The following PCDHGC5 variants were observed in gnomAD, a reference collection of about 807,000 sequenced individuals.
The protein encoded by PCDHGC5 is protocadherin gamma-C5.
In PCDHGC5, 25 loss-of-function variants were observed where a neutral mutation model predicts 59.0. That is an observed-to-expected ratio of 0.42 (90% confidence interval 0.31 to 0.59). PCDHGC5 has a LOEUF of 0.59. Ranked by LOEUF, PCDHGC5 falls within the 20% of genes least tolerant of loss-of-function variation. PCDHGC5 has a pLI of 0.13. For synonymous variants in PCDHGC5, 434 were observed against 505.5 expected (o/e 0.86, Z 1.90); for missense variants, 1,067 against 1,206.4 (o/e 0.88, Z 1.71).
At chr5:141,499,461 A>G (rs1448103747) in intron 2 of PCDHGC5, among the ~76,000 whole-genome samples, 2 of 152,226 alleles carry the variant, frequency 1.3e-5, no homozygotes. Flanking sequence ...TCATTTTACA[A>G]TCTAGGGAGA....
At position 141,491,065 on chromosome 5, in the gene PCDHGC5, C is replaced by T; in HGVS notation, c.1825C>T (p.Leu609=). Residue 609 remains leucine (L), a synonymous_variant, in exon 1 of 4, where the codon CTG becomes TTG. Transcript: ENST00000252087. This position sits in a 1 kb window ranked among gnomAD's most constrained non-coding sequence, Gnocchi z 6.9. ...CCACAATGCGTGGCTCTCCTACTCA[C>T]TGTTGCCACAGTCCACAGCCCCAGG... ...AGHNAWLSYS[L]LPQSTAPGLF... 4 of 1,614,210 alleles carry T rather than the reference C, an allele frequency of 2.5e-6. No individual in the cohort carries two copies. Among genetic ancestry groups the T allele is most frequent in the Admixed American group, 1.7e-5 (1 of 60,030 alleles).
chr5:141,489,804 G>A lies in PCDHGC5; in HGVS notation c.564G>A (p.Gly188=), dbSNP rs2099692572. 1 of 1,614,056 alleles carries A rather than the reference G, an allele frequency of 6.2e-7. No homozygotes were observed. The highest frequency in any genetic ancestry group is 1.3e-5 in the African/African-American group (1 of 74,932). ...FSLNVKTLKD[G]KPFPELVLEQ... ...TGAATGTGAAGACCCTAAAAGATGG[G>A]AAGCCATTCCCAGAGCTGGTGCTAG... The change falls in exon 1 of 4, where the codon GGG becomes GGA. Residue 188 remains glycine, a synonymous_variant. Transcript: ENST00000252087. The surrounding 1 kb of genome is among the most constrained non-coding windows in gnomAD (Gnocchi z 4.5).
intron 2 of PCDHGC5, among the ~76,000 whole-genome samples, chr5:141,499,780 G>A (rs776654854): frequency 1.4e-5 from 2 of 145,766 alleles, no homozygotes; most frequent in Non-Finnish European, 3.0e-5. Flanking sequence ...TTCGCCTCCC[G>A]GGTTCAAGCA....
chr5:141,500,433 T>A (rs1398344932), intron 2 of PCDHGC5, among the ~76,000 whole-genome samples: 17 of 151,882 alleles, frequency 1.1e-4, no homozygotes, highest in East Asian at 7.8e-4. Flanking sequence ...ATGGTCTCGA[T>A]CTCCTGACCT....
intron 2 of PCDHGC5, among the ~76,000 whole-genome samples, chr5:141,498,260 A>C (rs1044675509): frequency 6.6e-6 from 1 of 152,140 alleles, no homozygotes; most frequent in Non-Finnish European, 1.5e-5. Flanking sequence ...GCTGGTGTTG[A>C]GTTCTTCAGT....
At position 141,490,597 on chromosome 5, in the gene PCDHGC5, C is replaced by G. The variant is rs781077720; in HGVS notation, c.1357C>G (p.Arg453Gly). 1 of 1,614,182 alleles carries G rather than the reference C, an allele frequency of 6.2e-7. No homozygotes were observed. Residue 453 changes from arginine (R) to glycine (G), a missense_variant, in exon 1 of 4, where the codon CGC (arginine) becomes GGC (glycine). Physicochemically the swap from Arg to Gly is moderately radical, Grantham distance 125. Transcript: ENST00000252087. This position sits in a 1 kb window ranked among gnomAD's most constrained non-coding sequence, Gnocchi z 5.4. ...NISDVNDNAP[R>G]FNQQLYTAYI... ...TTCAGATGTCAATGACAATGCACCC[C>G]GCTTCAACCAGCAGCTTTACACTGC...
intron 2 of PCDHGC5, among the ~76,000 whole-genome samples, chr5:141,503,334 C>T (rs2099819255): frequency 6.6e-6 from 1 of 152,072 alleles, no homozygotes; most frequent in Admixed American, 6.6e-5. Context: ...CGGTGGCTCA[C>T]GCCTGTAATT....
chr5:141,506,740 T>C (rs1006665092), intron 3 of PCDHGC5, among the ~76,000 whole-genome samples: 2 of 152,104 alleles, frequency 1.3e-5, no homozygotes, highest in African/African-American at 2.4e-5. Context: ...ATAATGCCTA[T>C]TAATAAAGAC....
intron 2 of PCDHGC5, among the ~76,000 whole-genome samples, chr5:141,496,347 T>C (rs1168306693): frequency 6.6e-6 from 1 of 152,198 alleles, no homozygotes; most frequent in Non-Finnish European, 1.5e-5. Context: ...TGGAGGAGTC[T>C]CAGAGCCCAG....
intron 3 of PCDHGC5, among the ~76,000 whole-genome samples, chr5:141,506,189 G>A (rs529165145): frequency 3.6e-4 from 55 of 152,262 alleles, no homozygotes; most frequent in African/African-American, 1.1e-3. Flanking sequence ...GGTGGCTCAC[G>A]CCTGTAATCC....
chr5:141,497,736 G>A (rs1437670417), intron 2 of PCDHGC5, among the ~76,000 whole-genome samples: 6 of 151,962 alleles, frequency 3.9e-5, no homozygotes, highest in Admixed American at 1.3e-4. Flanking sequence ...GATGGGTTTC[G>A]CCACGTTGGC....
At chr5:141,494,759 C>G (rs776923097) in intron 1 of PCDHGC5, 48 bp from the exon 2 acceptor site, 2 of 1,613,886 alleles carry the variant, frequency 1.2e-6, no homozygotes, top group Middle Eastern at 1.6e-4. Flanking sequence ...GGGTGACATT[C>G]TAACTTCTCA....
At chr5:141,506,188 C>A (rs925159785) in intron 3 of PCDHGC5, among the ~76,000 whole-genome samples, 1 of 152,058 alleles carries the variant, frequency 6.6e-6, no homozygotes, top group Non-Finnish European at 1.5e-5. Flanking sequence ...TGGTGGCTCA[C>A]GCCTGTAATC....
rs754225999 is a variant in PCDHGC5, at chr5:141,489,509, T to C, written c.269T>C (p.Ile90Thr). The C allele has an allele frequency of 1.2e-6, 2 of 1,614,062 alleles. No homozygotes were observed. The highest frequency in any genetic ancestry group is 1.1e-5 in the South Asian group (1 of 91,074). Residue 90 changes from isoleucine to threonine, a missense_variant, in exon 1 of 4, where the codon ATT becomes ACT. By Grantham distance (89) the Ile-to-Thr change is moderately conservative. Coordinates refer to ENST00000252087, the MANE Select transcript of PCDHGC5 (RefSeq NM_018929.3). The surrounding 1 kb of genome is among the most constrained non-coding windows in gnomAD (Gnocchi z 4.5). ...MSGALAVNQK[I>T]DRESLCGAST... ...GGTGCCCTGGCAGTGAATCAAAAGA[T>C]TGACCGAGAAAGCCTATGTGGAGCC...
intron 2 of PCDHGC5, among the ~76,000 whole-genome samples, chr5:141,500,695 T>G (rs1214079801): frequency 1.3e-5 from 2 of 152,214 alleles, no homozygotes; most frequent in Admixed American, 6.5e-5. Flanking sequence ...TTTTTCTTCT[T>G]TGCAGTGTAT....
At chr5:141,495,960 C>G (rs1380397345) in intron 2 of PCDHGC5, among the ~76,000 whole-genome samples, 2 of 151,998 alleles carry the variant, frequency 1.3e-5, no homozygotes, top group East Asian at 3.9e-4. Context: ...CTTTTTCTGC[C>G]TCTTTCTCTG....
Position 141,491,732 on chromosome 5 carries a change from C to G in PCDHGC5, c.2460+32C>G. ...GGCTCGGCGCCGCCCCGGGCGACCC[C>G]TGGGGGCGGCACTGGAGAAGCCGCC... On this transcript the variant is annotated intron_variant, in intron 1 of 3. Coordinates refer to ENST00000252087, the MANE Select transcript of PCDHGC5 (RefSeq NM_018929.3). This position sits in a 1 kb window ranked among gnomAD's most constrained non-coding sequence, Gnocchi z 6.9. The G allele has an allele frequency of 1.2e-6, 2 of 1,602,752 alleles. No individual in the cohort carries two copies. Among genetic ancestry groups the G allele is most frequent in the Non-Finnish European group, 1.7e-6 (2 of 1,175,308 alleles).
intron 2 of PCDHGC5, among the ~76,000 whole-genome samples, chr5:141,502,845 T>G (rs2099816267): frequency 6.8e-6 from 1 of 147,606 alleles, no homozygotes; most frequent in South Asian, 2.1e-4. Context: ...CTGGCTGAGC[T>G]GCCTAACCCT....
intron 3 of PCDHGC5, among the ~76,000 whole-genome samples, chr5:141,509,420 G>A (rs1384424118): frequency 6.6e-6 from 1 of 152,128 alleles, no homozygotes; most frequent in East Asian, 1.9e-4. Context: ...GAGCCCCAAT[G>A]AGTCAAACTC....
Sources: gnomAD v4.1 joint callset for allele counts (sites outside exome capture counted in the v4.1 genomes callset) on GRCh38, gnomAD v4.1.1 for gene constraint, Gnocchi (gnomAD v3.1) non-coding constraint, MANE v1.5 for transcripts, NCBI Gene and HGNC (gene_info 2026-07-23, HGNC 2026-07-21) for gene names.